The following ARHGEF26 variants were observed in gnomAD, a reference collection of about 807,000 sequenced individuals.
ARHGEF26 encodes the protein Rho guanine nucleotide exchange factor (GEF) 26.
ARHGEF26 carries 59 observed loss-of-function variants against 89.4 expected under a neutral mutation model. The ratio of observed to expected loss-of-function variants is 0.66; its 90% CI spans 0.54 to 0.82. The LOEUF is 0.82. Ranked by LOEUF, ARHGEF26 falls within the 40% of genes least tolerant of loss-of-function variation. ARHGEF26 has a pLI of 0.00. For missense variants in ARHGEF26, 1,234 were observed against 1,085.6 expected (o/e 1.14, Z -1.92); for synonymous variants, 500 against 428.4 (o/e 1.17, Z -2.06).
Position 154,187,712 on chromosome 3 carries a change from T to G in ARHGEF26, c.1515T>G (p.His505Gln), listed in dbSNP as rs1476612651. The G allele has an allele frequency of 7.5e-6, 12 of 1,609,346 alleles. No homozygotes were observed. Among genetic ancestry groups the G allele is most frequent in the African/African-American group, 1.3e-5 (1 of 74,798 alleles). ...TCTTTATAGAGTTGGAAGCAAGACA[T>G]CAGAATAATATCTTCATAGATGACA... ...KKFFIELEAR[H>Q]QNNIFIDDIS... is the part of the protein sequence containing the mutation. The change falls in exon 7 of 15, where the codon CAT becomes CAG. Residue 505 changes from histidine to glutamine, a missense_variant. By Grantham distance (24) the His-to-Gln change is conservative. Coordinates refer to ENST00000465093, the MANE Select transcript of ARHGEF26 (RefSeq NM_015595.4).
intron 11 of ARHGEF26, among the ~76,000 whole-genome samples, chr3:154,233,908 A>G (rs1263649800): frequency 6.6e-6 from 1 of 152,232 alleles, no homozygotes; most frequent in African/African-American, 2.4e-5. Context: ...TTTTCGGGAC[A>G]GAAAAGCTAT....
intron 10 of ARHGEF26, among the ~76,000 whole-genome samples, chr3:154,219,135 C>G (rs780677786): frequency 6.6e-6 from 1 of 152,232 alleles, no homozygotes; most frequent in African/African-American, 2.4e-5. Flanking sequence ...TCTCCCAACT[C>G]TCAGAATCTC....
At chr3:154,185,984 G>A (rs1467917470) in intron 6 of ARHGEF26, among the ~76,000 whole-genome samples, 1 of 152,192 alleles carries the variant, frequency 6.6e-6, no homozygotes, top group Non-Finnish European at 1.5e-5. Flanking sequence ...TTGGCTGCAT[G>A]CCTCCCATCA....
chr3:154,184,118 G>A (rs529547053), intron 6 of ARHGEF26, among the ~76,000 whole-genome samples: 3 of 151,954 alleles, frequency 2.0e-5, no homozygotes, highest in East Asian at 1.9e-4. Context: ...GACTACAGGC[G>A]TCTGCCACCA....
At chr3:154,171,394 C>T (rs1198939108) in intron 6 of ARHGEF26, among the ~76,000 whole-genome samples, 2 of 152,114 alleles carry the variant, frequency 1.3e-5, no homozygotes, top group Non-Finnish European at 1.5e-5. Flanking sequence ...ACATAATTTA[C>T]ATTACGGTTT....
chr3:154,255,834 G>A lies in ARHGEF26; in HGVS notation c.*361G>A, dbSNP rs369320894. The A allele has an allele frequency of 9.7e-7, 1 of 1,031,534 alleles. No individual in the cohort carries two copies. The highest frequency in any genetic ancestry group is 1.7e-5 in the African/African-American group (1 of 59,032). The allele number at this position is 1,031,534 out of a possible 1,614,324, so 63.9% of individuals were successfully genotyped here. Reference sequence around the variant, plus strand: ...CTATCCTTGCATTACTAAGGTGACTGTCTCTCTTTATACATCCTTGTATGG... The same window carrying A: ...CTATCCTTGCATTACTAAGGTGACTATCTCTCTTTATACATCCTTGTATGG... On this transcript the variant is annotated 3_prime_UTR_variant, in exon 15 of 15. Transcript: ENST00000465093.
intron 10 of ARHGEF26, among the ~76,000 whole-genome samples, chr3:154,223,979 A>G (rs1000479655): frequency 6.6e-6 from 1 of 152,162 alleles, no homozygotes; most frequent in East Asian, 1.9e-4. Flanking sequence ...GTAATAGAAA[A>G]AAAAAAATGA....
intron 6 of ARHGEF26, among the ~76,000 whole-genome samples, chr3:154,165,726 C>T (rs1284959897): frequency 6.6e-6 from 1 of 152,172 alleles, no homozygotes; most frequent in Non-Finnish European, 1.5e-5. Flanking sequence ...AATGAACTTT[C>T]CATCAGCATG....
At chr3:154,176,508 G>A (rs1018642662) in intron 6 of ARHGEF26, among the ~76,000 whole-genome samples, 2 of 152,164 alleles carry the variant, frequency 1.3e-5, no homozygotes, top group Non-Finnish European at 2.9e-5. Flanking sequence ...GGTGATCAGT[G>A]TCAGCATCCT....
intron 6 of ARHGEF26, among the ~76,000 whole-genome samples, chr3:154,160,188 C>T (rs1559869247): frequency 1.3e-5 from 2 of 152,100 alleles, no homozygotes; most frequent in African/African-American, 4.8e-5. Flanking sequence ...GAAATTCACC[C>T]GAAGTATTTT....
intron 10 of ARHGEF26, among the ~76,000 whole-genome samples, chr3:154,219,621 T>A (rs1220650476): frequency 7.0e-6 from 1 of 143,522 alleles, no homozygotes; most frequent in Non-Finnish European, 1.5e-5. Context: ...AAAAAGAAAC[T>A]CTGTCCAGTA....
intron 11 of ARHGEF26, among the ~76,000 whole-genome samples, chr3:154,239,768 CAGG>C (rs1347218523): frequency 1.3e-5 from 2 of 151,958 alleles, no homozygotes; most frequent in Non-Finnish European, 2.9e-5. Flanking sequence ...AATGGGAGTG[CAGG>C]AGAAAGAAGG....
intron 9 of ARHGEF26, among the ~76,000 whole-genome samples, chr3:154,205,542 C>G (rs1714964298): frequency 6.6e-6 from 1 of 151,974 alleles, no homozygotes; most frequent in South Asian, 2.1e-4. Flanking sequence ...CTTACTCCTG[C>G]CCTTTTGTTA....
Position 154,167,229 on chromosome 3 carries a change from A to G in ARHGEF26, c.1487+14297A>G, listed in dbSNP as rs867625141. On this transcript the variant is annotated intron_variant, in intron 6 of 14. Coordinates refer to ENST00000465093, the MANE Select transcript of ARHGEF26 (RefSeq NM_015595.4). The stretch of plus-strand genomic sequence containing the variant: ...AAAATATTTTAGGATGAGAGCACCT[A>G]CTGTGTACCAGGCACTGTGCTAGGC... Among the ~76,000 whole-genome samples, 2 of 152,320 alleles carry G rather than the reference A, an allele frequency of 1.3e-5. 1 individual carries two copies. The highest frequency in any genetic ancestry group is 6.8e-3 in the Middle Eastern group (2 of 294).
intron 11 of ARHGEF26, among the ~76,000 whole-genome samples, chr3:154,237,125 C>T (rs925843895): frequency 6.6e-6 from 1 of 152,164 alleles, no homozygotes; most frequent in African/African-American, 2.4e-5. Context: ...GCCCAGCAGC[C>T]ATCCTGGGTC....
At chr3:154,251,244 T>C (rs1037876566) in intron 12 of ARHGEF26, among the ~76,000 whole-genome samples, 1 of 152,112 alleles carries the variant, frequency 6.6e-6, no homozygotes, top group Non-Finnish European at 1.5e-5. Context: ...AAAATAGAAA[T>C]AATTTTGGTA....
chr3:154,211,809 A>G (rs1328776399), intron 9 of ARHGEF26, among the ~76,000 whole-genome samples: 1 of 152,170 alleles, frequency 6.6e-6, no homozygotes, highest in Non-Finnish European at 1.5e-5. Context: ...GTTGCAGAAC[A>G]ATATAAATAG....
intron 8 of ARHGEF26, among the ~76,000 whole-genome samples, chr3:154,192,109 A>G (rs990725749): frequency 9.8e-5 from 15 of 152,304 alleles, no homozygotes; most frequent in Admixed American, 9.1e-4. Flanking sequence ...TGGGGCAGCA[A>G]AAGAGAAAAG....
chr3:154,174,187 C>A (rs1415716566), intron 6 of ARHGEF26, among the ~76,000 whole-genome samples: 1 of 152,182 alleles, frequency 6.6e-6, no homozygotes, highest in Admixed American at 6.5e-5. Context: ...ATAAACTGGG[C>A]TGTGAGTACA....
Sources: gnomAD v4.1 joint callset for allele counts (sites outside exome capture counted in the v4.1 genomes callset) on GRCh38, gnomAD v4.1.1 for gene constraint, MANE v1.5 for transcripts, NCBI Gene and HGNC (gene_info 2026-07-23, HGNC 2026-07-21) for gene names.